The following SLC25A17 variants were observed in gnomAD, a reference collection of about 807,000 sequenced individuals.
SLC25A17 encodes the protein peroxisomal membrane protein PMP34.
SLC25A17 carries 26 observed loss-of-function variants against 38.5 expected under a neutral mutation model. The ratio of observed to expected loss-of-function variants is 0.68; its 90% CI spans 0.50 to 0.94. The LOEUF is 0.94. Among genes scored for constraint, SLC25A17 ranks in the 40% least tolerant of loss-of-function variants. The pLI is 0.00. For missense variants in SLC25A17, 333 were observed against 372.7 expected (o/e 0.89, Z 0.88); for synonymous variants, 139 against 136.2 (o/e 1.02, Z -0.14).
chr22:40,813,524 C>T (rs927235801), intron 1 of SLC25A17, among the ~76,000 whole-genome samples: 2 of 151,694 alleles, frequency 1.3e-5, no homozygotes, highest in African/African-American at 2.4e-5. Flanking sequence ...GGTGACAGAG[C>T]GAGACTCTGT....
intron 1 of SLC25A17, 107 bp from the exon 2 acceptor site, chr22:40,799,190 G>GGCATGGTTGTT: frequency 1.3e-6 from 1 of 747,474 alleles, no homozygotes; most frequent in Non-Finnish European, 2.3e-6. Flanking sequence ...GGAGTGCAGT[G>GGCATGGTTGTT]GTTTACGGCA....
intron 4 of SLC25A17, chr22:40,779,344 G>A: frequency 7.8e-7 from 1 of 1,283,860 alleles, no homozygotes; most frequent in Non-Finnish European, 1.0e-6. Flanking sequence ...GGCGGCAGCA[G>A]CTCTCCAGAT....
At chr22:40,812,171 A>G (rs1429648491) in intron 1 of SLC25A17, among the ~76,000 whole-genome samples, 1 of 152,100 alleles carries the variant, frequency 6.6e-6, no homozygotes, top group Non-Finnish European at 1.5e-5. Context: ...CTATGATTAC[A>G]GGCGTGAGCC....
intron 8 of SLC25A17, among the ~76,000 whole-genome samples, chr22:40,773,502 GCTACTCTTACCAACA>G (rs2057208933): frequency 1.3e-5 from 2 of 150,614 alleles, no homozygotes; most frequent in Admixed American, 1.3e-4. Flanking sequence ...GAAAATGTTA[GCTACTCTTACCAACA>G]CCACCATCAT....
chr22:40,819,325 G>T lies in SLC25A17; in HGVS notation c.-77C>A. The stretch of plus-strand genomic sequence containing the variant: ...CAGTGGAGTTAGGAAAGGAGCACCG[G>T]AGCTCAGGGTGTGAGAGTCGCAATC... On this transcript the variant is annotated 5_prime_UTR_variant, in exon 1 of 9. Coordinates refer to ENST00000435456, the MANE Select transcript of SLC25A17 (RefSeq NM_006358.4). The T allele has an allele frequency of 1.3e-6, 2 of 1,527,060 alleles. No individual in the cohort carries two copies. Among genetic ancestry groups the T allele is most frequent in the South Asian group, 1.1e-5 (1 of 88,390 alleles). 94.6% of individuals were successfully genotyped at this position (1,527,060 alleles called of 1,614,324 possible). A position where few individuals can be genotyped will look rare whatever the true frequency, so the allele number is the denominator to read the frequency against.
intron 3 of SLC25A17, 44 bp downstream of exon 3, chr22:40,794,470 C>A: frequency 8.6e-7 from 1 of 1,163,388 alleles, no homozygotes; most frequent in South Asian, 1.2e-5. Context: ...ACAGGAATCT[C>A]CTAACAAGTT....
At chr22:40,812,227 T>C (rs1004950911) in intron 1 of SLC25A17, among the ~76,000 whole-genome samples, 2 of 152,044 alleles carry the variant, frequency 1.3e-5, no homozygotes, top group African/African-American at 4.8e-5. Flanking sequence ...TGCATCATCA[T>C]CTACATTTCA....
rs754394372 is a variant in SLC25A17, at chr22:40,794,480, T to C, written c.182+34A>G. 1.8e-5 allele frequency: 24 copies of C among 1,314,950 alleles called. No individual in the cohort carries two copies. In the East Asian group the frequency reaches 5.5e-4, roughly 30 times the overall value. The allele number at this position is 1,314,950 out of a possible 1,614,324, so 81.5% of individuals were successfully genotyped here. ...GAAGCACAGGAATCTCCTAACAAGT[T>C]GCTTTAACGAAGGTGAACTGAGGTA... On this transcript the variant is annotated intron_variant, in intron 3 of 8. Coordinates refer to ENST00000435456, the MANE Select transcript of SLC25A17 (RefSeq NM_006358.4).
intron 1 of SLC25A17, among the ~76,000 whole-genome samples, chr22:40,806,718 A>G (rs2057533282): frequency 6.6e-6 from 1 of 152,128 alleles, no homozygotes; most frequent in African/African-American, 2.4e-5. Context: ...ATACTCATTA[A>G]GCAAGTACTT....
At chr22:40,809,221 G>A (rs2057556153) in intron 1 of SLC25A17, among the ~76,000 whole-genome samples, 2 of 151,996 alleles carry the variant, frequency 1.3e-5, no homozygotes, top group South Asian at 4.1e-4. Context: ...GCCGGGCTCA[G>A]TGGCTCATGC....
intron 1 of SLC25A17, among the ~76,000 whole-genome samples, chr22:40,812,968 T>C (rs574301109): frequency 2.6e-5 from 4 of 152,206 alleles, no homozygotes; most frequent in Non-Finnish European, 5.9e-5. Flanking sequence ...TTACAATGGC[T>C]TTCATATTTA....
chr22:40,771,479 G>T (rs143646323), intron 8 of SLC25A17, among the ~76,000 whole-genome samples: 2 of 152,220 alleles, frequency 1.3e-5, no homozygotes, highest in South Asian at 4.1e-4. Context: ...ACAGATAAAT[G>T]GATAAAGAAA....
intron 7 of SLC25A17, chr22:40,776,266 C>T (rs550799517): frequency 1.7e-5 from 8 of 467,188 alleles, no homozygotes; most frequent in Non-Finnish European, 3.5e-5. Flanking sequence ...CCCAGGTCCT[C>T]CCACAGTGTG....
chr22:40,792,429 T>A (rs2057392304), intron 4 of SLC25A17, 96 bp downstream of exon 4: 2 of 1,009,676 alleles, frequency 2.0e-6, no homozygotes, highest in Admixed American at 3.1e-5. Context: ...CTGGCTATAT[T>A]CTTTGTAAGC....
At chr22:40,803,820 G>GTT (rs772323398) in intron 1 of SLC25A17, among the ~76,000 whole-genome samples, 32 of 117,468 alleles carry the variant, frequency 2.7e-4, no homozygotes, top group Middle Eastern at 5.0e-3. Context: ...GCTAGTTTTT[G>GTT]TTTTTTTTTT....
chr22:40,785,070 C>A (rs576040243), intron 4 of SLC25A17, among the ~76,000 whole-genome samples: 4 of 152,248 alleles, frequency 2.6e-5, no homozygotes, highest in African/African-American at 7.2e-5. Context: ...GCCCAATTTG[C>A]GAATTGTTCT....
intron 5 of SLC25A17, among the ~76,000 whole-genome samples, chr22:40,778,396 T>C (rs2057265029): frequency 6.6e-6 from 1 of 152,070 alleles, no homozygotes; most frequent in Non-Finnish European, 1.5e-5. Context: ...CCTTTTGCCA[T>C]CACAATGAGA....
At chr22:40,774,938 C>T (rs1299233565) in intron 7 of SLC25A17, among the ~76,000 whole-genome samples, 1 of 152,064 alleles carries the variant, frequency 6.6e-6, no homozygotes, top group African/African-American at 2.4e-5. Flanking sequence ...CCTCATCCTA[C>T]CCCTCTCCTC....
chr22:40,786,059 C>T (rs1266369469), intron 4 of SLC25A17, among the ~76,000 whole-genome samples: 2 of 152,240 alleles, frequency 1.3e-5, no homozygotes, highest in East Asian at 3.9e-4. Flanking sequence ...GCCTGTAATC[C>T]CAGCACTTTG....
Sources: allele counts gnomAD v4.1 joint callset (sites outside exome capture counted in the v4.1 genomes callset), GRCh38; gene constraint gnomAD v4.1.1; transcripts MANE v1.5; gene names NCBI Gene and HGNC (gene_info 2026-07-23, HGNC 2026-07-21).